PI4KA: variants seen among roughly 807,000 people sequenced by gnomAD.
PI4KA encodes phosphatidylinositol 4-kinase alpha, also known as PI4-kinase alpha.
A neutral mutation model predicts 271.4 loss-of-function variants in PI4KA; 122 were observed. The observed-to-expected ratio is 0.45, with a 90% CI of 0.39 to 0.52. The LOEUF (loss-of-function observed/expected upper bound fraction) is 0.52. Ranked by LOEUF, PI4KA falls within the 20% of genes least tolerant of loss-of-function variation. PI4KA has a pLI of 0.00. For missense variants in PI4KA, 1,969 were observed against 2,769.1 expected (o/e 0.71, Z 6.48); for synonymous variants, 1,041 against 1,078.8 (o/e 0.96, Z 0.69).
At chr22:20,854,977 C>A (rs928665769) in intron 1 of PI4KA, among the ~76,000 whole-genome samples, 4 of 151,998 alleles carry the variant, frequency 2.6e-5, no homozygotes, top group African/African-American at 9.7e-5. Context: ...CACGGCGAAA[C>A]CCCATCTCTA....
intron 17 of PI4KA, 86 bp downstream of exon 17, chr22:20,798,494 GTTTA>G (rs1312244881): frequency 2.4e-5 from 21 of 868,296 alleles, no homozygotes; most frequent in South Asian, 2.4e-4. Flanking sequence ...TGCAAGAAGA[GTTTA>G]TTTAAGAGAC....
intron 30 of PI4KA, among the ~76,000 whole-genome samples, chr22:20,743,386 C>T (rs964180863): frequency 1.1e-4 from 17 of 152,194 alleles, no homozygotes; most frequent in South Asian, 8.3e-4. Context: ...TCAAATAATC[C>T]GCCCACCTTG....
chr22:20,764,599 T>C (rs1228187090), intron 22 of PI4KA: 9 of 510,264 alleles, frequency 1.8e-5, no homozygotes, highest in Non-Finnish European at 3.1e-5. Flanking sequence ...GAGAAGATGA[T>C]GCGGAGCTTA....
chr22:20,832,153 T>C (rs1266753030), intron 3 of PI4KA, among the ~76,000 whole-genome samples: 1 of 151,218 alleles, frequency 6.6e-6, no homozygotes, highest in African/African-American at 2.4e-5. Context: ...TCTTGCTCTG[T>C]TGCCCAGGCT....
intron 12 of PI4KA, 137 bp downstream of exon 12, chr22:20,804,156 GCACGCAC>G: frequency 1.6e-6 from 1 of 635,398 alleles, no homozygotes; most frequent in Non-Finnish European, 2.9e-6. Flanking sequence ...ACTGTGCACA[GCACGCAC>G]TGGTTAAAGC....
Position 20,711,092 on chromosome 22 carries a change from C to T in PI4KA, c.5924-234G>A. The T allele has an allele frequency of 9.0e-6, 5 of 554,668 alleles. No individual in the cohort carries two copies. The South Asian group carries it at 9.9e-5, about 11-fold the overall frequency. The allele number at this position is 554,668 out of a possible 1,614,324, so 34.4% of individuals were successfully genotyped here. The stretch of plus-strand genomic sequence containing the variant: ...AGCTGGGGCACTGAACCTGGACCAG[C>T]CCCACTCCGCCCAGCTCCAGCTTCT... On this transcript the variant is annotated intron_variant, in intron 51 of 54. Transcript: ENST00000255882.
intron 1 of PI4KA, among the ~76,000 whole-genome samples, chr22:20,845,607 G>A (rs5760985): frequency 0.068 from 10,399 of 152,290 alleles, 342 homozygotes; most frequent in East Asian, 0.079. Context: ...GAGCTATCAT[G>A]ATAAACAAAG....
At chr22:20,846,263 C>CAAAAAAAAAAAAAA (rs361641) in intron 1 of PI4KA, among the ~76,000 whole-genome samples, 2 of 82,090 alleles carry the variant, frequency 2.4e-5, no homozygotes, top group Non-Finnish European at 4.8e-5. Context: ...GACTCTATCT[C>CAAAAAAAAAAAAAA]AAAAAAAAAA....
At chr22:20,824,277 C>T (rs2147715223) in intron 4 of PI4KA, 49 bp downstream of exon 4, 2 of 1,149,140 alleles carry the variant, frequency 1.7e-6, no homozygotes, top group Admixed American at 1.7e-5. Context: ...CTTTGGGACT[C>T]TATTCAATCT....
At chr22:20,817,678 G>C (rs1036041766) in intron 7 of PI4KA, among the ~76,000 whole-genome samples, 1 of 128,530 alleles carries the variant, frequency 7.8e-6, no homozygotes, top group African/African-American at 3.0e-5. Flanking sequence ...AAGCTGCGGT[G>C]AGCCATGATC....
intron 25 of PI4KA, among the ~76,000 whole-genome samples, chr22:20,751,977 C>T (rs1036541654): frequency 6.6e-6 from 1 of 152,208 alleles, no homozygotes; most frequent in Non-Finnish European, 1.5e-5. Context: ...GCCAGCCCCA[C>T]TTCTTAGGGC....
At chr22:20,854,502 A>G (rs1927357957) in intron 1 of PI4KA, among the ~76,000 whole-genome samples, 1 of 152,094 alleles carries the variant, frequency 6.6e-6, no homozygotes. Context: ...GTGAGTGACT[A>G]GAGTAAGTAA....
chr22:20,793,324 G>A (rs1934769688), intron 18 of PI4KA, 81 bp from the exon 19 acceptor site: 2 of 797,980 alleles, frequency 2.5e-6, no homozygotes, highest in Non-Finnish European at 2.1e-6. Flanking sequence ...ACAACATAGT[G>A]TTATGTAAAC....
In PI4KA at chr22:20,838,686, A is replaced by C; in HGVS notation, c.202T>G (p.Phe68Val). 6.2e-7 allele frequency: 1 copy of C among 1,613,804 alleles called. No homozygotes were observed. Residue 68 changes from phenylalanine (F) to valine (V), a missense_variant, in exon 2 of 55, where the codon TTC becomes GTC. By Grantham distance (50) the Phe-to-Val change is conservative (BLOSUM62 -1). Around this residue, in one of 13 missense-constraint regions of PI4KA, gnomAD observed 540 missense variants for 555.5 expected, o/e 0.97. Transcript: ENST00000255882. ...CMCPVDFHGI[F>V]QLDERRRDAV... is the part of the protein sequence containing the mutation. ...TCTCTCCGTCTTTCATCTAACTGGA[A>C]GATCCCATGGAAATCCACTGGACAC...
chr22:20,755,803 T>TAA (rs771767684), intron 23 of PI4KA, among the ~76,000 whole-genome samples: 3 of 93,618 alleles, frequency 3.2e-5, no homozygotes, highest in Non-Finnish European at 6.9e-5. Context: ...CACTGTCACA[T>TAA]AAAAAAAAAA....
At chr22:20,732,564 T>G (rs1388474373) in intron 36 of PI4KA, among the ~76,000 whole-genome samples, 1 of 152,188 alleles carries the variant, frequency 6.6e-6, no homozygotes, top group Non-Finnish European at 1.5e-5. Context: ...CGAGGAGTGC[T>G]CCCATAGTTC....
chr22:20,763,026 G>GTGGGGGT lies in PI4KA; in HGVS notation c.2709-1641_2709-1640insACCCCCA, dbSNP rs1555888580. Among the ~76,000 whole-genome samples, 7 of 68,492 alleles carry GTGGGGGT rather than the reference G, an allele frequency of 1.0e-4. 1 individual carries two copies. Among genetic ancestry groups the GTGGGGGT allele is most frequent in the Non-Finnish European group, 1.5e-4 (6 of 40,218 alleles). 44.9% of individuals were successfully genotyped at this position (68,492 alleles called of 152,430 possible). ...TTTTTGCTTTTTTTTTTGGGGGGGG[G>GTGGGGGT]GGGGGTTAGAGACAAGTTCTTGCTC... On this transcript the variant is annotated intron_variant, in intron 22 of 54. Coordinates refer to ENST00000255882, the MANE Select transcript of PI4KA (RefSeq NM_058004.4).
chr22:20,796,417 T>G, intron 17 of PI4KA, 103 bp from the exon 18 acceptor site: 1 of 1,004,320 alleles, frequency 1.0e-6, no homozygotes, highest in Non-Finnish European at 1.5e-6. Context: ...AGGCCCAGCC[T>G]GCCTTACCAC....
chr22:20,721,325 G>A lies in PI4KA; in HGVS notation c.5089C>T (p.Leu1697=). Residue 1697 remains leucine, a synonymous_variant, in exon 43 of 55, where the codon CTA becomes TTA. Transcript: ENST00000255882. ...TCTTTCTGGTGGCCCTCTTCATCTA[G>A]ATAAATGTTAGTCTTCATGTTCCAG... is the stretch of plus-strand genomic sequence containing the variant. The part of the protein sequence containing the change: ...FIWNMKTNIY[L]DEEGHQKDPD... 6.2e-7 allele frequency: 1 copy of A among 1,614,058 alleles called. No homozygotes were observed.
Sources: allele counts gnomAD v4.1 joint callset (sites outside exome capture counted in the v4.1 genomes callset), GRCh38; gene constraint gnomAD v4.1.1; regional missense constraint gnomAD v4.1.1; transcripts MANE v1.5; gene names NCBI Gene and HGNC (gene_info 2026-07-23, HGNC 2026-07-21).